RNF19B: variants seen among roughly 807,000 people sequenced by gnomAD.
RNF19B encodes the protein ring finger protein 19B.
RNF19B carries 23 observed loss-of-function variants against 65.5 expected under a neutral mutation model. The ratio of observed to expected loss-of-function variants is 0.35; its 90% confidence interval spans 0.25 to 0.50. The LOEUF (loss-of-function observed/expected upper bound fraction) is 0.50, where lower values mean the gene tolerates loss of function less well. Ranked by LOEUF, RNF19B falls within the 20% of genes least tolerant of loss-of-function variation. The pLI, the probability that RNF19B is intolerant of heterozygous loss-of-function variation, is 0.98. For synonymous variants in RNF19B, 372 were observed against 379.6 expected (o/e 0.98, Z 0.23); for missense variants, 794 against 980.0 (o/e 0.81, Z 2.53).
chr1:32,933,863 G>C (rs1251770328), downstream of RNF19B, among the ~76,000 whole-genome samples: 1 of 152,172 alleles, frequency 6.6e-6, no homozygotes, highest in Non-Finnish European at 1.5e-5. Context: ...CAGACTCAGA[G>C]TAAACTGCCC....
downstream of RNF19B, among the ~76,000 whole-genome samples, chr1:32,935,002 T>C (rs917272756): frequency 1.3e-5 from 2 of 151,026 alleles, no homozygotes. Context: ...CAGCTAATTT[T>C]TGTATTTTTA....
chr1:32,938,670 T>C (rs1160804135), intron 7 of RNF19B, 142 bp from the exon 8 acceptor site: 5 of 781,376 alleles, frequency 6.4e-6, no homozygotes, highest in Middle Eastern at 3.4e-4. Context: ...ACAGCGCAAA[T>C]AGATGCCCAT....
chr1:32,931,369 G>A, the RNF19B span, among the ~76,000 whole-genome samples: 1 of 152,152 alleles, frequency 6.6e-6, no homozygotes, highest in African/African-American at 2.4e-5. Context: ...GCAAGGAGGG[G>A]TAGGGGGTGG....
chr1:32,951,823 A>T (rs1020624361), intron 1 of RNF19B, among the ~76,000 whole-genome samples: 3 of 151,218 alleles, frequency 2.0e-5, no homozygotes, highest in Admixed American at 6.6e-5. Context: ...TTTGAGACAG[A>T]GTCTCACTAT....
chr1:32,943,248 A>C (rs958516029), intron 6 of RNF19B, among the ~76,000 whole-genome samples: 3 of 152,114 alleles, frequency 2.0e-5, no homozygotes, highest in Non-Finnish European at 4.4e-5. Context: ...ATTAAAGTAA[A>C]AGTCAGAAGA....
At chr1:32,957,613 CGCTT>C (rs1642670232) in intron 1 of RNF19B, among the ~76,000 whole-genome samples, 1 of 152,140 alleles carries the variant, frequency 6.6e-6, no homozygotes, top group South Asian at 2.1e-4. Flanking sequence ...GCGGGTGGCT[CGCTT>C]GAAGTCAGGA....
intron 1 of RNF19B, among the ~76,000 whole-genome samples, chr1:32,963,219 T>G (rs899534223): frequency 1.3e-5 from 2 of 151,986 alleles, no homozygotes; most frequent in South Asian, 2.1e-4. Context: ...ACAGAACACA[T>G]AGTGCTCAGG....
intron 7 of RNF19B, among the ~76,000 whole-genome samples, chr1:32,939,816 A>C (rs1642190205): frequency 6.6e-6 from 1 of 152,198 alleles, no homozygotes; most frequent in South Asian, 2.1e-4. Context: ...CTTTCACAGA[A>C]CTAGAACAGC....
intron 6 of RNF19B, 25 bp from the exon 7 acceptor site, chr1:32,942,484 T>C (rs1557567651): frequency 1.9e-6 from 3 of 1,596,758 alleles, no homozygotes; most frequent in Non-Finnish European, 2.6e-6. Context: ...AAACATCCAA[T>C]TCAAGACAGC....
chr1:32,964,483 G>A lies in RNF19B; in HGVS notation c.203C>T (p.Ala68Val). The change falls in exon 1 of 9, where the codon GCC becomes GTC. Residue 68 changes from alanine to valine, a missense_variant. By Grantham distance (64) the Ala-to-Val change is moderately conservative. Transcript: ENST00000235150. The surrounding 1 kb of genome is among the most constrained non-coding windows in gnomAD (Gnocchi z 6.5). ...CGGCGGGCCCTGGGCCGCGGCAGGG[G>A]CCGGGGCGGGCGGCGGCTGCGCAGC... ...PPAAQPPPAP[A>V]PAAAQGPPPE... 1 of 952,742 alleles carries A rather than the reference G, an allele frequency of 1.0e-6. No individual in the cohort carries two copies. Among genetic ancestry groups the A allele is most frequent in the South Asian group, 4.8e-5 (1 of 20,996 alleles). The allele number at this position is 952,742 out of a possible 1,614,324, so 59.0% of individuals were successfully genotyped here.
chr1:32,934,378 G>A (rs1418626130), downstream of RNF19B, among the ~76,000 whole-genome samples: 1 of 152,118 alleles, frequency 6.6e-6, no homozygotes, highest in Non-Finnish European at 1.5e-5. Context: ...GACACTGGAA[G>A]CTCTTTAAAT....
downstream of RNF19B, among the ~76,000 whole-genome samples, chr1:32,935,080 T>C (rs1229504353): frequency 2.6e-5 from 4 of 151,918 alleles, no homozygotes; most frequent in South Asian, 2.1e-4. Flanking sequence ...TTCACCCGCC[T>C]TGGCCTCCCA....
At chr1:32,948,460 G>C in intron 2 of RNF19B, 97 bp from the exon 3 acceptor site, 1 of 1,332,498 alleles carries the variant, frequency 7.5e-7, no homozygotes, top group Non-Finnish European at 1.0e-6. Flanking sequence ...AAATGAGGCA[G>C]CAGTCAAGAA....
intron 7 of RNF19B, among the ~76,000 whole-genome samples, 198 bp downstream of exon 7, chr1:32,942,054 G>A (rs1046159572): frequency 8.6e-5 from 13 of 151,936 alleles, no homozygotes; most frequent in African/African-American, 2.7e-4. Flanking sequence ...CCGAGATCAC[G>A]CCATGGCACT....
At position 32,951,180 on chromosome 1, in the gene RNF19B, T is replaced by C. The variant is rs190052428; in HGVS notation, c.636-1406A>G. ...CAAGTAAAAATTGTTTTATTGTCAT[T>C]AACATATTTAATATAAAAAGAAATG... On this transcript the variant is annotated intron_variant, in intron 1 of 8. Transcript: ENST00000235150. Among the ~76,000 whole-genome samples, 6 of 152,304 alleles carry C rather than the reference T, an allele frequency of 3.9e-5. No homozygotes were observed. The East Asian group carries it at 9.6e-4, about 24-fold the overall frequency.
chr1:32,952,768 C>T (rs1642538482), intron 1 of RNF19B, among the ~76,000 whole-genome samples: 2 of 146,558 alleles, frequency 1.4e-5, no homozygotes, highest in South Asian at 4.3e-4. Context: ...AAAAAATCAG[C>T]CAGGTATGGT....
chr1:32,942,395 A>G lies in RNF19B; in HGVS notation c.1467T>C (p.Thr489=), dbSNP rs1642257548. 1 of 1,614,082 alleles carries G rather than the reference A, an allele frequency of 6.2e-7. No individual in the cohort carries two copies. The highest frequency in any genetic ancestry group is 1.1e-5 in the South Asian group (1 of 91,088). ...GGCTTCCACTAGTGCTCAATACACT[A>G]GTCAGGCCTTCAATGCTGCTTTCCC... ...SIGESSIEGL[T]SVLSTSGSPT... The change falls in exon 7 of 9, where the codon ACT becomes ACC. Residue 489 remains threonine, a synonymous_variant. Coordinates refer to ENST00000235150, the MANE Select transcript of RNF19B (RefSeq NM_001300826.2).
downstream of RNF19B, among the ~76,000 whole-genome samples, chr1:32,935,714 G>C (rs1175354484): frequency 6.6e-6 from 1 of 152,026 alleles, no homozygotes; most frequent in Non-Finnish European, 1.5e-5. Context: ...TCCAATAACA[G>C]AATATTCTGT....
At chr1:32,952,409 C>T (rs1172007649) in intron 1 of RNF19B, among the ~76,000 whole-genome samples, 2 of 115,670 alleles carry the variant, frequency 1.7e-5, no homozygotes, top group African/African-American at 7.0e-5. Context: ...GCCTGGGCAA[C>T]ACAGCAAGAC....
Sources: gnomAD v4.1 joint callset for allele counts (sites outside exome capture counted in the v4.1 genomes callset) on GRCh38, gnomAD v4.1.1 for gene constraint, Gnocchi (gnomAD v3.1) non-coding constraint, MANE v1.5 for transcripts, NCBI Gene and HGNC (gene_info 2026-07-23, HGNC 2026-07-21) for gene names.